Variants in DIRAS2 observed in about 807,000 individuals in gnomAD.
The protein encoded by DIRAS2 is GTP-binding protein Di-Ras2.
DIRAS2 carries 5 observed loss-of-function variants against 13.9 expected under a neutral mutation model. That is an observed-to-expected ratio of 0.36 (90% CI 0.19 to 0.76). The LOEUF is 0.76. DIRAS2 is among the 30% of genes least tolerant of loss of function. The pLI is 0.53. For synonymous variants in DIRAS2, 111 were observed against 105.4 expected, an observed-to-expected ratio of 1.05 and a Z score of -0.33; for missense variants, 191 against 263.0, an observed-to-expected ratio of 0.73 and a Z score of 1.89.
intron 1 of DIRAS2, among the ~76,000 whole-genome samples, chr9:90,637,881 C>T (rs1825384920): frequency 6.6e-6 from 1 of 152,196 alleles, no homozygotes; most frequent in African/African-American, 2.4e-5. Context: ...TTGAAGTCAG[C>T]AGTCTCAGGC....
At chr9:90,630,763 C>T (rs1034598505) in intron 1 of DIRAS2, among the ~76,000 whole-genome samples, 1 of 152,172 alleles carries the variant, frequency 6.6e-6, no homozygotes, top group African/African-American at 2.4e-5. Context: ...TATAGCAGAG[C>T]AGGTATTTTC....
At position 90,613,228 on chromosome 9, in the gene DIRAS2, TC is replaced by T. The variant is rs749734783; in HGVS notation, c.599del (p.Ter200=). The T allele has an allele frequency of 6.2e-7, 1 of 1,610,108 alleles. No individual in the cohort carries two copies. The highest frequency in any genetic ancestry group is 8.5e-7 in the Non-Finnish European group (1 of 1,177,946). ...GCTGCTCCTCCCGCAGGAAGGGCCT[TC>T]ACATGATCACGCACTTGCCTTTGAG... ...EKLKGKCVIM[*>X] On this transcript the variant is annotated frameshift_variant and stop_lost, in exon 2 of 2. Coordinates refer to ENST00000375765, the MANE Select transcript of DIRAS2 (RefSeq NM_017594.5). LOFTEE classifies it high-confidence loss of function. This position sits in a 1 kb window ranked among gnomAD's most constrained non-coding sequence, Gnocchi z 5.6.
chr9:90,615,155 C>T (rs1825157485), intron 1 of DIRAS2, among the ~76,000 whole-genome samples: 1 of 152,092 alleles, frequency 6.6e-6, no homozygotes, highest in Admixed American at 6.5e-5. Context: ...GTTTTAGAGT[C>T]CAGTAAAAAT....
chr9:90,630,623 A>AGTT (rs1159237905), intron 1 of DIRAS2, among the ~76,000 whole-genome samples: 4 of 152,222 alleles, frequency 2.6e-5, no homozygotes, highest in African/African-American at 9.6e-5. Flanking sequence ...TTTGCTAGTT[A>AGTT]CTCTGTAGCA....
intron 1 of DIRAS2, among the ~76,000 whole-genome samples, chr9:90,616,450 G>A (rs1013141356): frequency 6.6e-6 from 1 of 152,100 alleles, no homozygotes; most frequent in African/African-American, 2.4e-5. Context: ...GCAAAAGAGA[G>A]GTCTGAAGGA....
chr9:90,619,688 C>T (rs1292269447), intron 1 of DIRAS2, among the ~76,000 whole-genome samples: 1 of 152,144 alleles, frequency 6.6e-6, no homozygotes, highest in African/African-American at 2.4e-5. Context: ...AGCAATTCCC[C>T]TCCTTTGTAT....
At chr9:90,627,744 C>T (rs1825285388) in intron 1 of DIRAS2, among the ~76,000 whole-genome samples, 1 of 152,062 alleles carries the variant, frequency 6.6e-6, no homozygotes, top group Non-Finnish European at 1.5e-5. Context: ...ACATTTTTAG[C>T]AATAACCGAA....
intron 1 of DIRAS2, among the ~76,000 whole-genome samples, chr9:90,628,859 A>T (rs935520332): frequency 7.9e-6 from 1 of 125,914 alleles, no homozygotes; most frequent in Admixed American, 7.9e-5. Context: ...AAAATATATT[A>T]CTTTTTTTTT....
intron 1 of DIRAS2, among the ~76,000 whole-genome samples, chr9:90,616,284 A>G (rs1204459285): frequency 6.6e-6 from 1 of 152,250 alleles, no homozygotes; most frequent in Non-Finnish European, 1.5e-5. Flanking sequence ...AGCTTCCACT[A>G]AACCAGGCTG....
intron 1 of DIRAS2, among the ~76,000 whole-genome samples, chr9:90,616,905 C>T (rs190167612): frequency 5.1e-4 from 78 of 152,280 alleles, no homozygotes; most frequent in African/African-American, 1.3e-3. Flanking sequence ...GTATACATTA[C>T]GCCCCACTTC....
At chr9:90,617,844 T>C (rs1442531467) in intron 1 of DIRAS2, among the ~76,000 whole-genome samples, 2 of 151,794 alleles carry the variant, frequency 1.3e-5, no homozygotes, top group Non-Finnish European at 2.9e-5. Flanking sequence ...TCAAAAAGAG[T>C]AAGATACTTA....
At chr9:90,623,756 G>T (rs1825242836) in intron 1 of DIRAS2, among the ~76,000 whole-genome samples, 1 of 152,070 alleles carries the variant, frequency 6.6e-6, no homozygotes, top group Non-Finnish European at 1.5e-5. Flanking sequence ...ACACAGTTAT[G>T]GAGCTGGGCA....
chr9:90,613,064 T>G lies in DIRAS2; in HGVS notation c.*164A>C. 1 of 981,414 alleles carries G rather than the reference T, an allele frequency of 1.0e-6. No homozygotes were observed. Among genetic ancestry groups the G allele is most frequent in the Non-Finnish European group, 1.5e-6 (1 of 678,842 alleles). The allele number at this position is 981,414 out of a possible 1,614,324, so 60.8% of individuals were successfully genotyped here. Reference sequence around the variant, plus strand: ...TGTGACTCCAGAGTGGGTGGCTTACTGTTGGTGGTGTGAAACGCCCTCTTA... The same window carrying G: ...TGTGACTCCAGAGTGGGTGGCTTACGGTTGGTGGTGTGAAACGCCCTCTTA... On this transcript the variant is annotated 3_prime_UTR_variant, in exon 2 of 2. Coordinates refer to ENST00000375765, the MANE Select transcript of DIRAS2 (RefSeq NM_017594.5). The surrounding 1 kb of genome is among the most constrained non-coding windows in gnomAD (Gnocchi z 5.6).
rs116146786 is a variant in DIRAS2 at position 90,620,696 on chromosome 9, G to A, written c.-36-6833C>T. Among the ~76,000 whole-genome samples, 962 of 151,418 alleles carry A rather than the reference G, an allele frequency of 6.4e-3. 12 individuals are homozygous for A. Among genetic ancestry groups the A allele is most frequent in the African/African-American group, 0.022 (916 of 41,224 alleles). On this transcript the variant is annotated intron_variant, in intron 1 of 1. Coordinates refer to ENST00000375765, the MANE Select transcript of DIRAS2 (RefSeq NM_017594.5). ...GCTTGAACCCAGGAGCAGAGATCACGCCACTGCACTCCAGCCTCTCTGACA... is the reference window on the plus strand; with the variant it reads ...GCTTGAACCCAGGAGCAGAGATCACACCACTGCACTCCAGCCTCTCTGACA...
intron 1 of DIRAS2, among the ~76,000 whole-genome samples, chr9:90,625,394 T>C (rs994533209): frequency 5.9e-5 from 9 of 152,248 alleles, no homozygotes; most frequent in African/African-American, 1.9e-4. Flanking sequence ...AATCCATTAC[T>C]GAATCCAAGG....
chr9:90,631,332 C>G (rs926377495), intron 1 of DIRAS2, among the ~76,000 whole-genome samples: 1 of 152,048 alleles, frequency 6.6e-6, no homozygotes, highest in African/African-American at 2.4e-5. Context: ...GTAAAGGGGC[C>G]GGGACAGGCA....
At position 90,611,466 on chromosome 9, in the gene DIRAS2, G is replaced by T. The variant is rs1323894182; in HGVS notation, c.*1762C>A. ...CCAAGGGTGAGTTATTGGGAGACCA[G>T]AGAGGATGAGATCAGGACAAGGGAA... On this transcript the variant is annotated 3_prime_UTR_variant, in exon 2 of 2. Transcript: ENST00000375765. 1 of 152,412 alleles carries T rather than the reference G, an allele frequency of 6.6e-6. No homozygotes were observed. Among genetic ancestry groups the T allele is most frequent in the African/African-American group, 2.4e-5 (1 of 41,464 alleles). The allele number at this position is 152,412 out of a possible 1,614,324, so 9.4% of individuals were successfully genotyped here.
rs539514610 is a variant in DIRAS2, at chr9:90,610,111, A to C, written c.*3117T>G. 82 of 255,266 alleles carry C rather than the reference A, an allele frequency of 3.2e-4. No individual in the cohort carries two copies. Among genetic ancestry groups the C allele is most frequent in the African/African-American group, 1.6e-3 (71 of 45,514 alleles). 15.8% of individuals were successfully genotyped at this position (255,266 alleles called of 1,614,324 possible). A position where few individuals can be genotyped will look rare whatever the true frequency, so the allele number is the denominator to read the frequency against. On this transcript the variant is annotated 3_prime_UTR_variant, in exon 2 of 2. Coordinates refer to ENST00000375765, the MANE Select transcript of DIRAS2 (RefSeq NM_017594.5). The stretch of plus-strand genomic sequence containing the variant: ...TTCAAGGATTTACATGTGTCCTATT[A>C]GTTGTAGATATTTCCAGAGAACTTA...
At chr9:90,640,571 T>C (rs963748837) in intron 1 of DIRAS2, among the ~76,000 whole-genome samples, 8 of 152,216 alleles carry the variant, frequency 5.3e-5, no homozygotes, top group African/African-American at 1.9e-4. Flanking sequence ...GGAAAAATCA[T>C]AACCAAAATC....
Sources: gnomAD v4.1 joint callset for allele counts (sites outside exome capture counted in the v4.1 genomes callset) on GRCh38, gnomAD v4.1.1 for gene constraint, Gnocchi (gnomAD v3.1) non-coding constraint, MANE v1.5 for transcripts, NCBI Gene and HGNC (gene_info 2026-07-23, HGNC 2026-07-21) for gene names.